TSPAN6: variants seen among roughly 807,000 people sequenced by gnomAD.
TSPAN6 encodes the protein tetraspanin-6.
TSPAN6 carries 13 observed loss-of-function variants against 18.0 expected under a neutral mutation model. The ratio of observed to expected loss-of-function variants is 0.72; its 90% CI spans 0.47 to 1.15. The LOEUF (loss-of-function observed/expected upper bound fraction) is 1.15, where lower values mean the gene tolerates loss of function less well. Among genes scored for constraint, TSPAN6 ranks in the 50% most tolerant of loss-of-function variants. The probability of loss-of-function intolerance (pLI) is 0.00; values close to 1 mark genes in which losing one functional copy is unlikely to be tolerated. For synonymous variants in TSPAN6, 82 were observed against 67.0 expected (o/e 1.22, Z -1.09); for missense variants, 186 against 183.9 (o/e 1.01, Z -0.07).
At chrX:100,631,491 TA>T (rs1003162958) in intron 6 of TSPAN6, among the ~76,000 whole-genome samples, 80 of 110,043 alleles carry the variant, frequency 7.3e-4, no homozygotes, top group Non-Finnish European at 1.3e-3. Flanking sequence ...GTGTTTAATA[TA>T]AAAAAAAACG....
At chrX:100,630,671 C>T in intron 7 of TSPAN6, 88 bp downstream of exon 7, 2 of 648,398 alleles carry the variant, frequency 3.1e-6, no homozygotes, top group South Asian at 3.0e-5. Context: ...CTAGACAAGA[C>T]GTTCTTGGCA....
At chrX:100,634,667 T>G (rs1407520821) in intron 3 of TSPAN6, among the ~76,000 whole-genome samples, 1 of 110,242 alleles carries the variant, frequency 9.1e-6, no homozygotes, top group African/African-American at 3.3e-5. Context: ...AATTTTTTGT[T>G]TTTTTTTGTA....
At position 100,636,767 on chromosome X, in the gene TSPAN6, C is replaced by A; in HGVS notation, c.-73G>T. The A allele has an allele frequency of 9.2e-7, 1 of 1,083,973 alleles. No homozygotes were observed. Among genetic ancestry groups the A allele is most frequent in the Non-Finnish European group, 1.2e-6 (1 of 821,477 alleles). The allele number at this position is 1,083,973 out of a possible 1,213,427, so 89.3% of individuals were successfully genotyped here. On this transcript the variant is annotated 5_prime_UTR_variant, in exon 1 of 8. Transcript: ENST00000373020. ...AGAGCGAGACGCGGAGTCCCCGAGT[C>A]TCCCCGGAAACTGCCGAAAACTTAC...
At chrX:100,633,664 A>G (rs1247354175) in intron 4 of TSPAN6, 125 bp from the exon 5 acceptor site, 4 of 760,794 alleles carry the variant, frequency 5.3e-6, no homozygotes, top group South Asian at 2.8e-5. Flanking sequence ...TCTCTCCTCA[A>G]TTGATTCAAG....
rs1167501664 is a variant in TSPAN6 at position 100,627,593 on chromosome X, G to A, written c.*2433C>T. On this transcript the variant is annotated 3_prime_UTR_variant, in exon 8 of 8. Coordinates refer to ENST00000373020, the MANE Select transcript of TSPAN6 (RefSeq NM_003270.4). ...CTTTCCTTTGTACCAGTTATCATTA[G>A]GTGAAATGTTTCCTCATTACTTTCA... The A allele has an allele frequency of 9.0e-6, 1 of 111,139 alleles. No individual in the cohort carries two copies. The highest frequency in any genetic ancestry group is 1.9e-5 in the Non-Finnish European group (1 of 53,081). The allele number at this position is 111,139 out of a possible 1,213,427, so 9.2% of individuals were successfully genotyped here. A position where few individuals can be genotyped will look rare whatever the true frequency, so the allele number is the denominator to read the frequency against.
chrX:100,635,854 T>C (rs1184607242), intron 1 of TSPAN6, 108 bp from the exon 2 acceptor site: 2 of 594,227 alleles, frequency 3.4e-6, no homozygotes, highest in Non-Finnish European at 4.7e-6. Flanking sequence ...TATGCTGGGA[T>C]ACGGCAGACA....
intron 7 of TSPAN6, 123 bp from the exon 8 acceptor site, chrX:100,630,109 T>C (rs1467562176): frequency 7.0e-6 from 2 of 284,497 alleles, no homozygotes; most frequent in East Asian, 4.5e-4. Context: ...AGTCAGTGGC[T>C]CAAGTAAAAT....
At chrX:100,636,007 C>T (rs1337151287) in intron 1 of TSPAN6, among the ~76,000 whole-genome samples, 1 of 111,476 alleles carries the variant, frequency 9.0e-6, no homozygotes, top group Non-Finnish European at 1.9e-5. Flanking sequence ...ATCAAAACTT[C>T]CTTAACTATC....
In TSPAN6 at chrX:100,627,448, T is replaced by C. The variant is rs1421564801; in HGVS notation, c.*2578A>G. The C allele has an allele frequency of 8.9e-6, 1 of 112,240 alleles. No homozygotes were observed. Among genetic ancestry groups the C allele is most frequent in the Non-Finnish European group, 1.9e-5 (1 of 53,248 alleles). The allele number at this position is 112,240 out of a possible 1,213,427, so 9.2% of individuals were successfully genotyped here. On this transcript the variant is annotated 3_prime_UTR_variant, in exon 8 of 8. Transcript: ENST00000373020. The stretch of plus-strand genomic sequence containing the variant: ...AACTCACTCCCTCTGCCATTAGGAT[T>C]GTCACCATGGAAATGAGCAGACCTA...
intron 4 of TSPAN6, 58 bp downstream of exon 4, chrX:100,633,873 C>T (rs1340905551): frequency 1.1e-6 from 1 of 869,656 alleles, no homozygotes; most frequent in East Asian, 3.1e-5. Context: ...CCAGACTCTG[C>T]TCTTTTCTCT....
At chrX:100,632,389 G>C in intron 6 of TSPAN6, 96 bp downstream of exon 6, 1 of 646,762 alleles carries the variant, frequency 1.5e-6, no homozygotes. Flanking sequence ...CCTGGCAACC[G>C]AGCAAGACTC....
At position 100,629,979 on chromosome X, in the gene TSPAN6, T is replaced by C; in HGVS notation, c.*47A>G. The C allele has an allele frequency of 1.3e-6, 1 of 752,726 alleles. No individual in the cohort carries two copies. The highest frequency in any genetic ancestry group is 1.6e-6 in the Non-Finnish European group (1 of 637,994). The allele number at this position is 752,726 out of a possible 1,213,427, so 62.0% of individuals were successfully genotyped here. ...ACTTTCTAATTCACAGGGGGGACCC[T>C]AAATGTCCTAAAATTAAAGAAAAAA... On this transcript the variant is annotated 3_prime_UTR_variant, in exon 8 of 8. Transcript: ENST00000373020.
Position 100,635,542 on chromosome X carries a change from GAA to G in TSPAN6, c.276+14_276+15del. On this transcript the variant is annotated intron_variant, in intron 2 of 7. Transcript: ENST00000373020. Reference sequence around the variant, plus strand: ...TCTAAAACCAAGAATCAATTCTAATGAAAACAAGGACTCACCAGTTTTAGCAT... The same window carrying G: ...TCTAAAACCAAGAATCAATTCTAATGAACAAGGACTCACCAGTTTTAGCAT... 8.7e-7 allele frequency: 1 copy of G among 1,155,340 alleles called. No individual in the cohort carries two copies. The highest frequency in any genetic ancestry group is 1.2e-6 in the Non-Finnish European group (1 of 865,190).
rs189159745 is a variant in TSPAN6, at chrX:100,633,985, C to T, written c.396G>A (p.Gln132=). 4.5e-4 allele frequency: 537 copies of T among 1,200,208 alleles called. No individual in the cohort carries two copies. Among genetic ancestry groups the T allele is most frequent in the Non-Finnish European group, 3.4e-4 (304 of 889,014 alleles). ...TTCTATAATCTCCTGTAGAGTTATACTGCTTCAAAGCCTTCTCATAATTAT... is the reference window on the plus strand; with the variant it reads ...TTCTATAATCTCCTGTAGAGTTATATTGCTTCAAAGCCTTCTCATAATTAT... ...FKNNYEKALK[Q]YNSTGDYRSH... Residue 132 remains glutamine (Q), a synonymous_variant, in exon 4 of 8, where the codon CAG becomes CAA. Transcript: ENST00000373020.
intron 3 of TSPAN6, among the ~76,000 whole-genome samples, chrX:100,634,917 T>C (rs995703460): frequency 8.9e-6 from 1 of 112,627 alleles, no homozygotes; most frequent in African/African-American, 3.2e-5. Flanking sequence ...TTATAAATTG[T>C]ACTATCTCCG....
At chrX:100,630,655 A>G in intron 7 of TSPAN6, 104 bp downstream of exon 7, 3 of 560,376 alleles carry the variant, frequency 5.4e-6, no homozygotes, top group Non-Finnish European at 8.5e-6. Context: ...AGATTTAAAT[A>G]TATTACTAGA....
At position 100,633,523 on chromosome X, in the gene TSPAN6, A is replaced by G. The variant is rs2083074421; in HGVS notation, c.467T>C (p.Val156Ala). 8.4e-7 allele frequency: 1 copy of G among 1,193,930 alleles called. No individual in the cohort carries two copies. Among genetic ancestry groups the G allele is most frequent in the East Asian group, 3.0e-5 (1 of 33,636 alleles). Residue 156 changes from valine to alanine, a missense_variant, in exon 5 of 8, where the codon GTC becomes GCC. Coordinates refer to ENST00000373020, the MANE Select transcript of TSPAN6 (RefSeq NM_003270.4). Reference protein sequence around the residue: ...KIQNTLHCCGVTDYRDWTDTN... With the variant: ...KIQNTLHCCGATDYRDWTDTN... ...ATCTGTCCAATCTCTATAATCGGTG[A>G]CACCACAACAATGCAACTGAAAAAC...
rs752076056 is a variant in TSPAN6 at position 100,636,666 on chromosome X, G to A, written c.29C>T (p.Thr10Ile). Reference protein sequence around the residue: MASPSRRLQTKPVITCFKSV... With the variant: MASPSRRLQIKPVITCFKSV... ...CTTGAAACAAGTAATGACTGGTTTAGTCTGCAGTCTCCGAGACGGGGACGC... is the reference window on the plus strand; with the variant it reads ...CTTGAAACAAGTAATGACTGGTTTAATCTGCAGTCTCCGAGACGGGGACGC... Residue 10 changes from threonine to isoleucine, a missense_variant, in exon 1 of 8, where the codon ACT becomes ATT. Thr to Ile is a moderately conservative substitution (Grantham distance 89). Coordinates refer to ENST00000373020, the MANE Select transcript of TSPAN6 (RefSeq NM_003270.4). 8 of 1,203,859 alleles carry A rather than the reference G, an allele frequency of 6.6e-6. No homozygotes were observed. In the East Asian group the frequency reaches 2.4e-4, roughly 36 times the overall value.
chrX:100,632,098 T>G (rs1373943667), intron 6 of TSPAN6: 1 of 146,612 alleles, frequency 6.8e-6, no homozygotes, highest in African/African-American at 3.2e-5. Flanking sequence ...AAGCAAAAAC[T>G]TATAAGCCTT....
Sources: gnomAD v4.1 joint callset for allele counts (sites outside exome capture counted in the v4.1 genomes callset) on GRCh38, gnomAD v4.1.1 for gene constraint, MANE v1.5 for transcripts, NCBI Gene and HGNC (gene_info 2026-07-23, HGNC 2026-07-21) for gene names.